The following DCLK1 variants were observed in gnomAD, a reference collection of about 807,000 sequenced individuals.
DCLK1 encodes serine/threonine-protein kinase DCLK1.
DCLK1 carries 16 observed loss-of-function variants against 86.2 expected under a neutral mutation model. The ratio of observed to expected loss-of-function variants is 0.19; its 90% confidence interval spans 0.13 to 0.28. The LOEUF (loss-of-function observed/expected upper bound fraction) is 0.28. DCLK1 is among the 10% of genes least tolerant of loss of function. The pLI is 1.00. For synonymous variants in DCLK1, 369 were observed against 370.5 expected (o/e 1.00, Z 0.05); for missense variants, 590 against 940.2 (o/e 0.63, Z 4.87).
chr13:36,055,932 C>A (rs987068249), intron 3 of DCLK1, among the ~76,000 whole-genome samples: 35 of 152,196 alleles, frequency 2.3e-4, no homozygotes, highest in African/African-American at 8.2e-4. Flanking sequence ...GAGATGATAT[C>A]TCATAGTGGT....
chr13:35,977,127 G>A (rs75701858), intron 3 of DCLK1, among the ~76,000 whole-genome samples: 6 of 136,328 alleles, frequency 4.4e-5, no homozygotes, highest in Non-Finnish European at 6.6e-5. Flanking sequence ...ATGTGTGTGT[G>A]TATATATATA....
At chr13:35,851,410 C>T (rs1392825039) in intron 6 of DCLK1, among the ~76,000 whole-genome samples, 2 of 152,066 alleles carry the variant, frequency 1.3e-5, no homozygotes, top group African/African-American at 2.4e-5. Context: ...TACTAGATCT[C>T]GGTTGGTAGC....
At chr13:35,792,681 T>C (rs1450505122) in intron 16 of DCLK1, among the ~76,000 whole-genome samples, 3 of 152,202 alleles carry the variant, frequency 2.0e-5, no homozygotes, top group African/African-American at 7.2e-5. Flanking sequence ...AGTATGAGGT[T>C]TCATTATTCC....
At chr13:35,963,675 T>C (rs1332894507) in intron 3 of DCLK1, among the ~76,000 whole-genome samples, 1 of 152,168 alleles carries the variant, frequency 6.6e-6, no homozygotes, top group African/African-American at 2.4e-5. Flanking sequence ...AAAGACCTTG[T>C]GGGAAATGAT....
intron 5 of DCLK1, among the ~76,000 whole-genome samples, chr13:35,856,606 A>C (rs1871075296): frequency 6.6e-6 from 1 of 152,246 alleles, no homozygotes; most frequent in Non-Finnish European, 1.5e-5. Flanking sequence ...AAGGGCTCAC[A>C]AGAAAACAGT....
rs1399870251 is a variant in DCLK1 at position 35,769,371 on chromosome 13, G to T, written c.*5164C>A. Reference sequence around the variant, plus strand: ...CTACGCACCTTTTTAGTATGTATGAGCAAAATACTGTTGAATTTCACACTC... The same window carrying T: ...CTACGCACCTTTTTAGTATGTATGATCAAAATACTGTTGAATTTCACACTC... On this transcript the variant is annotated 3_prime_UTR_variant, in exon 17 of 17. Transcript: ENST00000360631. 1 of 152,122 alleles carries T rather than the reference G, an allele frequency of 6.6e-6. No homozygotes were observed. Among genetic ancestry groups the T allele is most frequent in the Non-Finnish European group, 1.5e-5 (1 of 68,028 alleles). 9.4% of individuals were successfully genotyped at this position (152,122 alleles called of 1,614,324 possible).
chr13:35,852,160 A>G lies in DCLK1; in HGVS notation c.1035+2339T>C, dbSNP rs1037414747. On this transcript the variant is annotated intron_variant, in intron 6 of 16. Transcript: ENST00000360631. ...ATTCTTTGAAGTGTCTTCTTTTAGC[A>G]CATGCCATCTTTCACTTATTTCAGT... 2.6e-5 allele frequency among the ~76,000 whole-genome samples: 4 copies of G among 152,216 alleles called. No homozygotes were observed. In the East Asian group the frequency reaches 7.7e-4, roughly 29 times the overall value.
chr13:35,813,730 C>CTTTTTT (rs35366486), intron 11 of DCLK1, among the ~76,000 whole-genome samples: 13 of 105,436 alleles, frequency 1.2e-4, no homozygotes, highest in Non-Finnish European at 1.9e-4. Flanking sequence ...CCCCGCCCCG[C>CTTTTTT]TTTTTTTTTT....
intron 14 of DCLK1, among the ~76,000 whole-genome samples, chr13:35,806,241 A>G (rs557001343): frequency 6.6e-6 from 1 of 152,324 alleles, no homozygotes; most frequent in South Asian, 2.1e-4. Context: ...TTTGAAAGAA[A>G]GGTATGAGGA....
chr13:35,891,659 T>C (rs997913240), intron 4 of DCLK1, among the ~76,000 whole-genome samples: 6 of 152,154 alleles, frequency 3.9e-5, no homozygotes, highest in African/African-American at 1.4e-4. Context: ...AAAAAATAAA[T>C]TGTGGTGTGT....
intron 3 of DCLK1, among the ~76,000 whole-genome samples, chr13:36,079,752 G>C (rs1884349343): frequency 6.6e-6 from 1 of 152,078 alleles, no homozygotes; most frequent in South Asian, 2.1e-4. Flanking sequence ...AAAAAAAATT[G>C]TTTCAAGCAT....
chr13:35,862,301 C>CT (rs1172661471), intron 5 of DCLK1, among the ~76,000 whole-genome samples: 23 of 152,208 alleles, frequency 1.5e-4, no homozygotes, highest in African/African-American at 5.5e-4. Flanking sequence ...TTCCTTACCT[C>CT]TCCTCATCCA....
At chr13:35,825,905 C>G (rs1174802193) in intron 10 of DCLK1, among the ~76,000 whole-genome samples, 1 of 151,898 alleles carries the variant, frequency 6.6e-6, no homozygotes, top group Admixed American at 6.6e-5. Context: ...CACCACCTCC[C>G]GGGTTCAAGC....
intron 3 of DCLK1, among the ~76,000 whole-genome samples, chr13:36,021,310 GA>G (rs78528362): frequency 4.7e-5 from 7 of 148,768 alleles, no homozygotes; most frequent in East Asian, 2.0e-4. Context: ...TTATTTAATT[GA>G]AAAAAAAAGT....
chr13:36,121,083 G>C (rs2138209589), intron 2 of DCLK1, among the ~76,000 whole-genome samples: 1 of 152,248 alleles, frequency 6.6e-6, no homozygotes, highest in South Asian at 2.1e-4. Flanking sequence ...ACAACTGTCT[G>C]TAATAACAAA....
intron 3 of DCLK1, among the ~76,000 whole-genome samples, chr13:35,987,122 G>T (rs971342651): frequency 6.6e-6 from 1 of 152,172 alleles, no homozygotes; most frequent in African/African-American, 2.4e-5. Flanking sequence ...GACTGGCTGA[G>T]AATTAAGTAT....
chr13:35,895,758 A>C (rs1038935180), intron 4 of DCLK1, among the ~76,000 whole-genome samples: 6 of 152,020 alleles, frequency 3.9e-5, no homozygotes, highest in Non-Finnish European at 8.8e-5. Flanking sequence ...AAAAAACAAA[A>C]CAAAACAGTA....
At chr13:35,866,676 T>A (rs1376720025) in intron 5 of DCLK1, among the ~76,000 whole-genome samples, 3 of 151,912 alleles carry the variant, frequency 2.0e-5, no homozygotes, top group African/African-American at 2.4e-5. Flanking sequence ...CCCAAAGTGC[T>A]GGGATTACAG....
chr13:35,960,689 C>G (rs963574434), intron 3 of DCLK1, among the ~76,000 whole-genome samples: 11 of 152,108 alleles, frequency 7.2e-5, no homozygotes, highest in African/African-American at 2.7e-4. Flanking sequence ...CCCCTAGACT[C>G]AAGCCAGTCC....
Sources: allele counts gnomAD v4.1 joint callset (sites outside exome capture counted in the v4.1 genomes callset), GRCh38; gene constraint gnomAD v4.1.1; transcripts MANE v1.5; gene names NCBI Gene and HGNC (gene_info 2026-07-23, HGNC 2026-07-21).